NME4: variants seen among roughly 807,000 people sequenced by gnomAD.
NME4 encodes NME/NM23 nucleoside diphosphate kinase 4, also known as nucleoside diphosphate kinase D, mitochondrial.
A neutral mutation model predicts 16.4 loss-of-function variants in NME4; 21 were observed. The observed-to-expected ratio is 1.28, with a 90% CI of 0.91 to 1.84. NME4 has a LOEUF of 1.84. NME4 is among the 40% of genes most tolerant of loss of function. The pLI is 0.00. For missense variants in NME4, 316 were observed against 261.3 expected (o/e 1.21, Z -1.44); for synonymous variants, 132 against 107.5 (o/e 1.23, Z -1.41).
chr16:400,055 G>A (rs2054627061), intron 4 of NME4, 164 bp from the exon 5 acceptor site: 3 of 1,095,412 alleles, frequency 2.7e-6, no homozygotes, highest in South Asian at 1.3e-5. Context: ...AGAGGCCGAG[G>A]CCAGGCTGGA....
chr16:399,245 G>C (rs567911292), intron 2 of NME4, 122 bp downstream of exon 2: 1 of 1,451,048 alleles, frequency 6.9e-7, no homozygotes, highest in East Asian at 2.3e-5. Context: ...AGGGGCAGGA[G>C]GGATCTATTC....
chr16:398,194 T>C, intron 1 of NME4: 1 of 1,490,016 alleles, frequency 6.7e-7, no homozygotes, highest in Non-Finnish European at 9.0e-7. Context: ...GGACGTCTTC[T>C]GTTTCCCTGG....
chr16:400,619 G>A lies in NME4; in HGVS notation c.*277G>A, dbSNP rs1298619131. 5 of 402,300 alleles carry A rather than the reference G, an allele frequency of 1.2e-5. No individual in the cohort carries two copies. Among genetic ancestry groups the A allele is most frequent in the African/African-American group, 2.1e-5 (1 of 48,592 alleles). The allele number at this position is 402,300 out of a possible 1,614,324, so 24.9% of individuals were successfully genotyped here. ...CATTATCATAACCTCTCCTCTAAAG[G>A]GGAGGCATTAAAATTCACTGTGCCC... On this transcript the variant is annotated 3_prime_UTR_variant, in exon 5 of 5. Coordinates refer to ENST00000219479, the MANE Select transcript of NME4 (RefSeq NM_005009.3).
Position 399,419 on chromosome 16 carries a change from G to A in NME4, c.266G>A (p.Arg89Gln), listed in dbSNP as rs141978638. Residue 89 changes from arginine to glutamine, a missense_variant, in exon 3 of 5, where the codon CGG (arginine) becomes CAG (glutamine). Coordinates refer to ENST00000219479, the MANE Select transcript of NME4 (RefSeq NM_005009.3). ...SVLAEHYQDL[R>Q]RKPFYPALIR... Reference sequence around the variant, plus strand: ...CTTGCCGAGCACTACCAGGACCTGCGGAGGAAGCCCTTCTACCCTGCCCTC... The same window carrying A: ...CTTGCCGAGCACTACCAGGACCTGCAGAGGAAGCCCTTCTACCCTGCCCTC... 43 of 1,613,002 alleles carry A rather than the reference G, an allele frequency of 2.7e-5. No homozygotes were observed. Among genetic ancestry groups the A allele is most frequent in the South Asian group, 2.5e-4 (23 of 91,086 alleles).
intron 4 of NME4, 162 bp from the exon 5 acceptor site, chr16:400,057 C>A: frequency 9.0e-7 from 1 of 1,114,850 alleles, no homozygotes; most frequent in Non-Finnish European, 1.3e-6. Context: ...AGGCCGAGGC[C>A]AGGCTGGAAC....
chr16:399,586 GGT>G (rs1422757298), intron 3 of NME4, 39 bp from the exon 4 acceptor site: 1 of 1,601,040 alleles, frequency 6.2e-7, no homozygotes, highest in Non-Finnish European at 8.6e-7. Context: ...AGGGGCCCTT[GGT>G]GTTCCCCACT....
chr16:398,745 T>C (rs2054599554), intron 1 of NME4: 9 of 587,602 alleles, frequency 1.5e-5, no homozygotes, highest in Non-Finnish European at 2.7e-5. Flanking sequence ...CTGCCTCTGC[T>C]GGGAGGAGCC....
rs200505877 is a variant in NME4 at position 399,036 on chromosome 16, C to T, written c.138C>T (p.Pro46=). The stretch of plus-strand genomic sequence containing the variant: ...AGCGGACCCTGGTGGCGGTGAAGCC[C>T]GATGGCGTGCAACGGCGGCTCGTTG... ...TRERTLVAVK[P]DGVQRRLVGD... Residue 46 remains proline, a synonymous_variant, in exon 2 of 5, where the codon CCC becomes CCT. Coordinates refer to ENST00000219479, the MANE Select transcript of NME4 (RefSeq NM_005009.3). 46 of 1,609,074 alleles carry T rather than the reference C, an allele frequency of 2.9e-5. No individual in the cohort carries two copies. In the East Asian group the frequency reaches 6.2e-4, roughly 22 times the overall value.
intron 1 of NME4, chr16:398,722 T>A: frequency 1.8e-6 from 1 of 547,846 alleles, no homozygotes; most frequent in South Asian, 2.2e-5. Context: ...CTCGGGGCGA[T>A]CTCAGGCAGC....
At chr16:398,405 C>T in intron 1 of NME4, 3 of 1,220,662 alleles carry the variant, frequency 2.5e-6, no homozygotes, top group South Asian at 2.8e-5. Context: ...GTGTGTTTCT[C>T]CCTGGTTCCC....
At chr16:400,181 T>C in intron 4 of NME4, 38 bp from the exon 5 acceptor site, 2 of 1,611,982 alleles carry the variant, frequency 1.2e-6, no homozygotes, top group African/African-American at 1.3e-5. Context: ...AGGGTGCACA[T>C]GAAGCCTGAG....
chr16:400,248 AG>A lies in NME4; in HGVS notation c.475del (p.Ala159ProfsTer15), dbSNP rs770464890. 2.5e-6 allele frequency: 4 copies of A among 1,604,526 alleles called. No homozygotes were observed. Among genetic ancestry groups the A allele is most frequent in the Middle Eastern group, 1.7e-4 (1 of 6,000 alleles). ...RNVIHASDSV[E>X]GAQREIQLWF... The stretch of plus-strand genomic sequence containing the variant: ...GTCATCCACGCCAGCGACTCCGTGG[AG>A]GGGGCCCAGCGGGAGATCCAGCTGT... On this transcript the variant is annotated frameshift_variant, in exon 5 of 5. Coordinates refer to ENST00000219479, the MANE Select transcript of NME4 (RefSeq NM_005009.3). LOFTEE classifies it low-confidence loss of function (END_TRUNC).
intron 1 of NME4, chr16:398,565 C>A: frequency 2.1e-6 from 1 of 468,592 alleles, no homozygotes; most frequent in Non-Finnish European, 3.5e-6. Flanking sequence ...TCCCTGAGGC[C>A]ACTGAGCTGG....
chr16:397,896 C>A, intron 1 of NME4: 1 of 1,554,502 alleles, frequency 6.4e-7, no homozygotes, highest in East Asian at 2.4e-5. Context: ...TCCATCGGCT[C>A]TGAAAAGTGA....
At chr16:399,333 C>T in intron 2 of NME4, 46 bp from the exon 3 acceptor site, 1 of 1,570,880 alleles carries the variant, frequency 6.4e-7, no homozygotes, top group Non-Finnish European at 8.8e-7. Context: ...TGTGCTAGTG[C>T]CCACGTTTAC....
intron 4 of NME4, 108 bp downstream of exon 4, chr16:399,847 C>A: frequency 1.1e-6 from 1 of 893,950 alleles, no homozygotes. Context: ...TAGGATGAAG[C>A]CAGGTCGGAC....
intron 3 of NME4, 65 bp from the exon 4 acceptor site, chr16:399,562 C>A: frequency 5.0e-6 from 8 of 1,591,812 alleles, no homozygotes; most frequent in Non-Finnish European, 6.9e-6. Context: ...AGGGAGGGGC[C>A]CTGGATTGAG....
At position 400,468 on chromosome 16, in the gene NME4, C is replaced by A; in HGVS notation, c.*126C>A. On this transcript the variant is annotated 3_prime_UTR_variant, in exon 5 of 5. Coordinates refer to ENST00000219479, the MANE Select transcript of NME4 (RefSeq NM_005009.3). ...TACTTCCCTGTTCACCTCTGCCCCA[C>A]CCCAGCCCAGAGGAGTTTGAGCCAC... 7.9e-7 allele frequency: 1 copy of A among 1,260,936 alleles called. No homozygotes were observed. Among genetic ancestry groups the A allele is most frequent in the Non-Finnish European group, 1.1e-6 (1 of 938,976 alleles). 78.1% of individuals were successfully genotyped at this position (1,260,936 alleles called of 1,614,324 possible).
chr16:399,546 C>T (rs1273203417), intron 3 of NME4, 66 bp downstream of exon 3: 6 of 1,593,010 alleles, frequency 3.8e-6, no homozygotes, highest in Middle Eastern at 1.7e-4. Context: ...TCTTTCCCCC[C>T]AGCAAAGGGA....
Sources: gnomAD v4.1 joint callset for allele counts on GRCh38, gnomAD v4.1.1 for gene constraint, MANE v1.5 for transcripts, NCBI Gene and HGNC (gene_info 2026-07-23, HGNC 2026-07-21) for gene names.